Variants in NGDN observed in about 807,000 individuals in gnomAD.
The protein encoded by NGDN is EIF4E-binding protein.
In NGDN, 41 loss-of-function variants were observed where a neutral mutation model predicts 45.2. The ratio of observed to expected loss-of-function variants is 0.91; its 90% CI spans 0.71 to 1.18. The LOEUF is 1.18. Ranked by LOEUF, NGDN falls within the 50% of genes most tolerant of loss-of-function variation. NGDN has a pLI of 0.00. For missense variants in NGDN, 402 were observed against 399.9 expected (o/e 1.01, Z -0.05); for synonymous variants, 137 against 130.9 (o/e 1.05, Z -0.32).
intron 3 of NGDN, among the ~76,000 whole-genome samples, chr14:23,474,500 C>T (rs558062076): frequency 2.0e-5 from 3 of 152,208 alleles, no homozygotes; most frequent in Admixed American, 6.5e-5. Flanking sequence ...TCATCTCACC[C>T]TAGGGGTAGC....
chr14:23,475,887 C>A, intron 6 of NGDN, 109 bp downstream of exon 6: 1 of 1,459,454 alleles, frequency 6.9e-7, no homozygotes. Flanking sequence ...GATTTTCCAA[C>A]TTGTGTGTTA....
At chr14:23,470,295 A>C (rs2138719115) in intron 2 of NGDN, 194 bp downstream of exon 2, 1 of 569,100 alleles carries the variant, frequency 1.8e-6, no homozygotes, top group East Asian at 3.0e-5. Flanking sequence ...GAAACTCCAA[A>C]AAGAAATTAT....
intron 2 of NGDN, 104 bp downstream of exon 2, chr14:23,470,205 A>G: frequency 1.0e-6 from 1 of 959,890 alleles, no homozygotes. Context: ...GCTTCCAAAA[A>G]CCTTAGAGTA....
intron 3 of NGDN, among the ~76,000 whole-genome samples, chr14:23,474,025 G>A (rs1893842583): frequency 1.7e-5 from 2 of 117,242 alleles, no homozygotes; most frequent in African/African-American, 3.3e-5. Context: ...GCGACAGAGT[G>A]AGACTCCATC....
intron 8 of NGDN, 48 bp from the exon 9 acceptor site, chr14:23,477,152 T>G (rs1893921224): frequency 1.3e-6 from 2 of 1,594,468 alleles, no homozygotes; most frequent in Non-Finnish European, 1.7e-6. Flanking sequence ...GGCTGGAGCT[T>G]TCCATCTCCA....
At chr14:23,478,334 C>T (rs1295906948), downstream of NGDN, 4 of 331,798 alleles carry the variant, frequency 1.2e-5, no homozygotes, top group East Asian at 1.2e-4. Context: ...AAATTGGTTA[C>T]GTCACAAAAA....
At chr14:23,475,983 A>T in intron 6 of NGDN, 46 bp from the exon 7 acceptor site, 1 of 1,612,938 alleles carries the variant, frequency 6.2e-7, no homozygotes. Flanking sequence ...CTTCTCACTT[A>T]TCTCATGAAT....
intron 10 of NGDN, 120 bp from the exon 11 acceptor site, chr14:23,477,887 T>C (rs979754686): frequency 1.3e-6 from 2 of 1,580,158 alleles, no homozygotes; most frequent in Non-Finnish European, 1.7e-6. Flanking sequence ...GGGAAGATAT[T>C]CAGGGTACTG....
At position 23,475,766 on chromosome 14, in the gene NGDN, T is replaced by C; in HGVS notation, c.408T>C (p.Asn136=). 1.2e-6 allele frequency: 2 copies of C among 1,613,062 alleles called. No homozygotes were observed. Among genetic ancestry groups the C allele is most frequent in the South Asian group, 1.1e-5 (1 of 91,028 alleles). The change falls in exon 6 of 11, where the codon AAT becomes AAC. Residue 136 remains asparagine, a synonymous_variant. Coordinates refer to ENST00000408901, the MANE Select transcript of NGDN (RefSeq NM_001042635.2). ...DPLRFKPHPS[N]MMSKLSSEDE... ...TTCGTTTTAAGCCTCATCCCAGCAA[T>C]ATGATGAGCAAGGTAAGGGGTTGTA...
At chr14:23,472,245 C>T (rs962302941) in intron 3 of NGDN, among the ~76,000 whole-genome samples, 3 of 150,342 alleles carry the variant, frequency 2.0e-5, no homozygotes, top group Middle Eastern at 3.5e-3. Flanking sequence ...CCTATAATTC[C>T]AGCACTTTGG....
At chr14:23,474,852 A>G (rs1893860499) in intron 3 of NGDN, among the ~76,000 whole-genome samples, 1 of 152,198 alleles carries the variant, frequency 6.6e-6, no homozygotes, top group Non-Finnish European at 1.5e-5. Context: ...ACAGCCCTCA[A>G]CAAAAAATGT....
In NGDN at chr14:23,476,333, C is replaced by T. The variant is rs767350454; in HGVS notation, c.639C>T (p.Tyr213=). The change falls in exon 8 of 11, where the codon TAC becomes TAT. Residue 213 remains tyrosine, a synonymous_variant. Transcript: ENST00000408901. ...SSVIRELKEQ[Y]SDAPEEIRDA... is the part of the protein sequence containing the mutation. ...TCATTCGTGAACTTAAGGAGCAGTA[C>T]TCAGATGCTCCAGAGGAAATCCGTG... The T allele has an allele frequency of 8.1e-6, 13 of 1,613,844 alleles. No individual in the cohort carries two copies. The East Asian group carries it at 2.5e-4, about 30-fold the overall frequency.
intron 10 of NGDN, 35 bp downstream of exon 10, chr14:23,477,595 C>T (rs745330273): frequency 6.2e-7 from 1 of 1,613,202 alleles, no homozygotes; most frequent in Non-Finnish European, 8.5e-7. Flanking sequence ...TGATCAGGTG[C>T]AAGGTGGGGA....
At chr14:23,472,507 C>G (rs1475147504) in intron 3 of NGDN, among the ~76,000 whole-genome samples, 2 of 152,082 alleles carry the variant, frequency 1.3e-5, no homozygotes, top group Non-Finnish European at 2.9e-5. Context: ...CTGAAAAAAA[C>G]AAAACAACAA....
At chr14:23,477,757 A>G (rs1893938153) in intron 10 of NGDN, 197 bp downstream of exon 10, 1 of 1,456,976 alleles carries the variant, frequency 6.9e-7, no homozygotes, top group African/African-American at 1.4e-5. Flanking sequence ...GAATCTCTGG[A>G]TTCTGCCTCT....
At chr14:23,469,988 C>T (rs899783889) in intron 1 of NGDN, 54 bp from the exon 2 acceptor site, 2 of 1,592,796 alleles carry the variant, frequency 1.3e-6, no homozygotes, top group African/African-American at 1.3e-5. Flanking sequence ...TTCCACTTTC[C>T]TATAATCCTG....
chr14:23,469,741 G>GT lies in NGDN; in HGVS notation c.12+14_12+15insT, dbSNP rs1566549086. On this transcript the variant is annotated intron_variant, in intron 1 of 10. Transcript: ENST00000408901. ...ATGGCGGCGCTGGTGAGTTTGGTGTGGTTTCTTCCTCGCGTAGCTATTGTG... is the reference window on the plus strand; with the variant it reads ...ATGGCGGCGCTGGTGAGTTTGGTGTGTGTTTCTTCCTCGCGTAGCTATTGTG... 3.1e-6 allele frequency: 5 copies of GT among 1,614,094 alleles called. No individual in the cohort carries two copies. Among genetic ancestry groups the GT allele is most frequent in the Non-Finnish European group, 4.2e-6 (5 of 1,179,990 alleles).
At position 23,476,016 on chromosome 14, in the gene NGDN, G is replaced by A. The variant is rs373122499; in HGVS notation, c.421-13G>A. The A allele has an allele frequency of 5.1e-5, 83 of 1,614,054 alleles. 3 individuals are homozygous for A. The Middle Eastern group carries it at 1.8e-3, about 35-fold the overall frequency. On this transcript the variant is annotated splice_polypyrimidine_tract_variant and intron_variant, in intron 6 of 10. Transcript: ENST00000408901. ...AATGCTTCCTAAATTTGCAGACATT[G>A]TTTCTTTTGTAGTTGAGCTCTGAGG...
intron 5 of NGDN, 26 bp from the exon 6 acceptor site, chr14:23,475,700 A>T: frequency 6.2e-7 from 1 of 1,614,060 alleles, no homozygotes; most frequent in Non-Finnish European, 8.5e-7. Context: ...CAAATTTTGT[A>T]AAATTCATTG....
Sources: gnomAD v4.1 joint callset for allele counts (sites outside exome capture counted in the v4.1 genomes callset) on GRCh38, gnomAD v4.1.1 for gene constraint, MANE v1.5 for transcripts, NCBI Gene and HGNC (gene_info 2026-07-23, HGNC 2026-07-21) for gene names.